The following MBNL2 variants were observed in gnomAD, a reference collection of about 807,000 sequenced individuals.
The protein encoded by MBNL2 is muscleblind-like protein 2.
In MBNL2, 17 loss-of-function variants were observed where a neutral mutation model predicts 41.9. That is an observed-to-expected ratio of 0.41 (90% CI 0.28 to 0.61). The LOEUF (loss-of-function observed/expected upper bound fraction) is 0.61, where lower values mean the gene tolerates loss of function less well. Among genes scored for constraint, MBNL2 ranks in the 20% least tolerant of loss-of-function variants. The probability of loss-of-function intolerance (pLI) is 0.35; values close to 1 mark genes in which losing one functional copy is unlikely to be tolerated. For synonymous variants in MBNL2, 195 were observed against 182.9 expected, an observed-to-expected ratio of 1.07 and a Z score of -0.53; for missense variants, 336 against 505.6, an observed-to-expected ratio of 0.66 and a Z score of 3.22.
At chr13:97,149,784 C>T in the MBNL2 span, among the ~76,000 whole-genome samples, 1 of 152,160 alleles carries the variant, frequency 6.6e-6, no homozygotes, top group Non-Finnish European at 1.5e-5. Flanking sequence ...TCTTCCACCC[C>T]TACAGTTTTT....
At chr13:97,385,952 G>A (rs1424430699) in intron 8 of MBNL2, among the ~76,000 whole-genome samples, 1 of 152,162 alleles carries the variant, frequency 6.6e-6, no homozygotes, top group Non-Finnish European at 1.5e-5. Flanking sequence ...TCTTTTTTGA[G>A]CGCACATCAT....
the MBNL2 span, among the ~76,000 whole-genome samples, chr13:97,166,327 A>G: frequency 6.0e-3 from 913 of 152,324 alleles, 6 homozygotes; most frequent in African/African-American, 0.021. Flanking sequence ...CTTTATCTTT[A>G]CCTTAGTATA....
At chr13:97,210,003 C>T in the MBNL2 span, among the ~76,000 whole-genome samples, 3 of 152,314 alleles carry the variant, frequency 2.0e-5, no homozygotes, top group South Asian at 6.2e-4. Context: ...ACCGTATTGG[C>T]CAGGCTGGTC....
chr13:97,377,817 A>G (rs1182958880), intron 8 of MBNL2, among the ~76,000 whole-genome samples: 1 of 152,224 alleles, frequency 6.6e-6, no homozygotes, highest in Non-Finnish European at 1.5e-5. Context: ...ATGAGAAGAA[A>G]AATTCCATTG....
chr13:97,253,309 T>C (rs1021324335), intron 1 of MBNL2, among the ~76,000 whole-genome samples: 1 of 152,166 alleles, frequency 6.6e-6, no homozygotes, highest in Non-Finnish European at 1.5e-5. Context: ...AGCAAAGAAA[T>C]GAAAAAGTAT....
chr13:97,374,062 C>CCTTTTTTTTTT (rs1594284568), intron 8 of MBNL2, among the ~76,000 whole-genome samples: 3 of 53,398 alleles, frequency 5.6e-5, no homozygotes, highest in Non-Finnish European at 1.2e-4. Context: ...TCCTCCTTTG[C>CCTTTTTTTTTT]ATTTTTTTTT....
At chr13:97,237,110 A>C (rs1168571415) in intron 1 of MBNL2, among the ~76,000 whole-genome samples, 2 of 152,232 alleles carry the variant, frequency 1.3e-5, no homozygotes, top group South Asian at 2.1e-4. Context: ...GCAGGAATGC[A>C]GTTTGTGGGT....
At chr13:97,159,765 T>C in the MBNL2 span, among the ~76,000 whole-genome samples, 3 of 151,668 alleles carry the variant, frequency 2.0e-5, no homozygotes, top group East Asian at 5.8e-4. Flanking sequence ...CTGAGAGATC[T>C]GCTGTTAGTC....
At chr13:97,142,824 A>G in the MBNL2 span, among the ~76,000 whole-genome samples, 1 of 152,242 alleles carries the variant, frequency 6.6e-6, no homozygotes, top group African/African-American at 2.4e-5. Context: ...CTAACATGCA[A>G]CTTTGGGAAG....
At chr13:97,316,830 C>T (rs564250873) in intron 2 of MBNL2, among the ~76,000 whole-genome samples, 22 of 152,334 alleles carry the variant, frequency 1.4e-4, no homozygotes, top group African/African-American at 4.6e-4. Flanking sequence ...ACTTGTGTAT[C>T]ATCTTTATTG....
rs139684062 is a variant in MBNL2, at chr13:97,276,257, G to A, written c.22G>A (p.Val8Ile). The A allele has an allele frequency of 5.0e-5, 81 of 1,613,696 alleles. No individual in the cohort carries two copies. Among genetic ancestry groups the A allele is most frequent in the Admixed American group, 1.2e-4 (7 of 59,974 alleles). MALNVAP[V>I]RDTKWLTLEV... is the part of the protein sequence containing the mutation. ...CACCATGGCTTTGAACGTTGCCCCA[G>A]TCAGAGATACAAAATGGCTGACATT... is the stretch of plus-strand genomic sequence containing the variant. The change falls in exon 2 of 9, where the codon GTC becomes ATC. Residue 8 changes from valine to isoleucine, a missense_variant. Transcript: ENST00000679496.
intron 1 of MBNL2, among the ~76,000 whole-genome samples, chr13:97,253,855 G>C (rs2047041928): frequency 6.6e-6 from 1 of 151,656 alleles, no homozygotes; most frequent in South Asian, 2.1e-4. Flanking sequence ...TTACATTCCA[G>C]GAATGTGCTG....
the MBNL2 span, among the ~76,000 whole-genome samples, chr13:97,168,610 G>A: frequency 1.3e-5 from 2 of 152,072 alleles, no homozygotes; most frequent in Non-Finnish European, 2.9e-5. Context: ...ATTTTCCAAT[G>A]TCTCCCCAGT....
At chr13:97,223,555 T>A (rs1194966103) in intron 1 of MBNL2, among the ~76,000 whole-genome samples, 1 of 152,142 alleles carries the variant, frequency 6.6e-6, no homozygotes, top group African/African-American at 2.4e-5. Flanking sequence ...AAGAAAAAAA[T>A]CTGACTTGCC....
chr13:97,356,954 T>A lies in MBNL2; in HGVS notation c.858+105T>A, dbSNP rs183196624. On this transcript the variant is annotated intron_variant, in intron 6 of 8. Transcript: ENST00000679496. ...GGTTGCAAACAATCATTATTATTAA[T>A]TTATGGAAAAAATCCAATAAGGTGT... The A allele has an allele frequency of 4.7e-4, 283 of 605,174 alleles. No individual in the cohort carries two copies. In the African/African-American group the frequency reaches 5.3e-3, roughly 11 times the overall value. 37.5% of individuals were successfully genotyped at this position (605,174 alleles called of 1,614,324 possible).
At chr13:97,390,478 A>G (rs1184074128) in intron 8 of MBNL2, among the ~76,000 whole-genome samples, 2 of 152,222 alleles carry the variant, frequency 1.3e-5, no homozygotes, top group Admixed American at 6.5e-5. Context: ...TAATTACACA[A>G]AATTTGGTCA....
the MBNL2 span, among the ~76,000 whole-genome samples, chr13:97,189,037 G>A: frequency 3.6e-3 from 551 of 152,062 alleles, 1 homozygote; most frequent in African/African-American, 0.012. Flanking sequence ...CTCCAGGGTG[G>A]ACAATGTGCT....
At position 97,345,368 on chromosome 13, in the gene MBNL2, T is replaced by C. The variant is rs577485811; in HGVS notation, c.541-1436T>C. ...AATTATATAAGCAACATGCATATGT[T>C]ATTTATGCTATTTTATGTTATCTAT... is the stretch of plus-strand genomic sequence containing the variant. On this transcript the variant is annotated intron_variant, in intron 4 of 8. Transcript: ENST00000679496. Among the ~76,000 whole-genome samples the C allele has an allele frequency of 3.3e-5, 5 of 152,344 alleles. No homozygotes were observed. In the East Asian group the frequency reaches 9.6e-4, roughly 29 times the overall value.
the MBNL2 span, among the ~76,000 whole-genome samples, chr13:97,184,387 C>T: frequency 3.3e-5 from 5 of 152,292 alleles, no homozygotes; most frequent in Admixed American, 6.5e-5. Context: ...CCCTGGGTTC[C>T]ATGATGTTTT....
Sources: gnomAD v4.1 joint callset for allele counts (sites outside exome capture counted in the v4.1 genomes callset) on GRCh38, gnomAD v4.1.1 for gene constraint, MANE v1.5 for transcripts, NCBI Gene and HGNC (gene_info 2026-07-23, HGNC 2026-07-21) for gene names.